Variants in RIMS2 observed in about 807,000 individuals in gnomAD.
RIMS2 encodes the protein regulating synaptic membrane exocytosis protein 2.
Under a neutral mutation model 174.4 loss-of-function variants are expected in RIMS2, and 59 were observed. That is an observed-to-expected ratio of 0.34 (90% confidence interval 0.27 to 0.42). The LOEUF (loss-of-function observed/expected upper bound fraction) is 0.42. RIMS2 is among the 10% of genes least tolerant of loss of function. The pLI is 1.00. For synonymous variants in RIMS2, 606 were observed against 572.5 expected, an observed-to-expected ratio of 1.06 and a Z score of -0.84; for missense variants, 1,620 against 1,666.3, an observed-to-expected ratio of 0.97 and a Z score of 0.48.
chr8:103,807,833 A>G (rs2098660125), intron 3 of RIMS2, among the ~76,000 whole-genome samples: 2 of 152,142 alleles, frequency 1.3e-5, no homozygotes, highest in Admixed American at 1.3e-4. Context: ...ACTTTTAAGT[A>G]GCTAGGATCT....
chr8:103,910,499 C>G, intron 5 of RIMS2: 2 of 1,596,128 alleles, frequency 1.3e-6, no homozygotes, highest in Non-Finnish European at 1.7e-6. Flanking sequence ...GTAGCACAAC[C>G]CTTAACGAGG....
chr8:103,966,507 C>T (rs1209482834), intron 15 of RIMS2, among the ~76,000 whole-genome samples: 2 of 151,948 alleles, frequency 1.3e-5, no homozygotes, highest in East Asian at 1.9e-4. Flanking sequence ...TTTTTATACC[C>T]TGTTTCTCTT....
At chr8:104,216,219 C>T (rs931358744) in intron 19 of RIMS2, among the ~76,000 whole-genome samples, 9 of 152,070 alleles carry the variant, frequency 5.9e-5, no homozygotes, top group African/African-American at 1.7e-4. Context: ...TACATAAATA[C>T]GCCATATAAG....
intron 2 of RIMS2, among the ~76,000 whole-genome samples, chr8:103,736,601 C>T (rs1488382548): frequency 1.3e-5 from 2 of 152,044 alleles, no homozygotes; most frequent in African/African-American, 2.4e-5. Flanking sequence ...AATTGGCTGG[C>T]GTGAATCTAA....
chr8:103,572,855 T>G (rs2092933383), intron 1 of RIMS2, among the ~76,000 whole-genome samples: 2 of 152,222 alleles, frequency 1.3e-5, no homozygotes, highest in African/African-American at 4.8e-5. Flanking sequence ...GTAGTTTGTC[T>G]GTTTACTCTG....
intron 19 of RIMS2, among the ~76,000 whole-genome samples, chr8:104,183,349 T>G (rs910210378): frequency 4.6e-5 from 7 of 151,758 alleles, no homozygotes; most frequent in African/African-American, 1.7e-4. Context: ...AATTATTTTA[T>G]TATCTTTTTT....
chr8:104,106,783 A>C (rs1380183892), intron 19 of RIMS2, among the ~76,000 whole-genome samples: 1 of 152,220 alleles, frequency 6.6e-6, no homozygotes, highest in Non-Finnish European at 1.5e-5. Flanking sequence ...TAAATGCAGT[A>C]TTCTGACCAG....
chr8:104,231,890 T>A (rs72685064), intron 19 of RIMS2, among the ~76,000 whole-genome samples: 7,798 of 152,328 alleles, frequency 0.051, 277 homozygotes, highest in Middle Eastern at 0.099. Flanking sequence ...CTAGCCACCT[T>A]TCAGGTGTTC....
chr8:103,511,775 G>A lies in RIMS2; in HGVS notation c.176+10713G>A, dbSNP rs2131110880. The stretch of plus-strand genomic sequence containing the variant: ...TCCAGTCTTGATAGAAACTATAATA[G>A]TAATTTGAACAGGGACATTTTGATA... On this transcript the variant is annotated intron_variant, in intron 1 of 23. Coordinates refer to ENST00000504942, the Ensembl canonical transcript of RIMS2. 1.3e-5 allele frequency among the ~76,000 whole-genome samples: 2 copies of A among 152,292 alleles called. 1 individual carries two copies. The highest frequency in any genetic ancestry group is 3.9e-4 in the East Asian group (2 of 5,184).
At chr8:103,852,481 T>C (rs1016743047) in intron 3 of RIMS2, among the ~76,000 whole-genome samples, 2 of 151,528 alleles carry the variant, frequency 1.3e-5, no homozygotes, top group Non-Finnish European at 2.9e-5. Flanking sequence ...AATTGCAGTA[T>C]ATCTCAGTGG....
chr8:104,149,343 C>A (rs2098670548), intron 19 of RIMS2, among the ~76,000 whole-genome samples: 1 of 152,224 alleles, frequency 6.6e-6, no homozygotes, highest in African/African-American at 2.4e-5. Flanking sequence ...AATTTTCTCA[C>A]TGCAATTTTT....
chr8:103,688,291 T>C (rs190671234), intron 1 of RIMS2, among the ~76,000 whole-genome samples: 8 of 152,226 alleles, frequency 5.3e-5, no homozygotes, highest in Non-Finnish European at 8.8e-5. Flanking sequence ...TTTAAGAGTT[T>C]ATTTATCATG....
intron 19 of RIMS2, among the ~76,000 whole-genome samples, chr8:104,073,422 T>C (rs546585620): frequency 6.6e-6 from 1 of 152,332 alleles, no homozygotes; most frequent in South Asian, 2.1e-4. Context: ...ATTGGCACAG[T>C]ATTTATTGGA....
chr8:103,786,626 G>A (rs1464739499), intron 3 of RIMS2, among the ~76,000 whole-genome samples: 7 of 152,194 alleles, frequency 4.6e-5, no homozygotes, highest in Non-Finnish European at 8.8e-5. Context: ...TTGCACTGTG[G>A]TCTGAGAGAT....
Position 103,592,378 on chromosome 8 carries a change from T to C in RIMS2, c.176+91316T>C, listed in dbSNP as rs73287110. Among the ~76,000 whole-genome samples the C allele has an allele frequency of 5.0e-3, 764 of 151,372 alleles. 7 individuals carry two copies. Among genetic ancestry groups the C allele is most frequent in the African/African-American group, 0.017 (724 of 41,504 alleles). On this transcript the variant is annotated intron_variant, in intron 1 of 23. Transcript: ENST00000504942. Reference sequence around the variant, plus strand: ...GTTTGATTTACTAAGTTCATTTTCATCTTGTAAGCTCTTGGTGTCTTGCAA... The same window carrying C: ...GTTTGATTTACTAAGTTCATTTTCACCTTGTAAGCTCTTGGTGTCTTGCAA...
At chr8:104,059,416 T>C (rs1325808659) in intron 19 of RIMS2, among the ~76,000 whole-genome samples, 1 of 151,510 alleles carries the variant, frequency 6.6e-6, no homozygotes, top group Non-Finnish European at 1.5e-5. Context: ...TGTACATTGA[T>C]TTTGTATCCT....
exon 3 of RIMS2, chr8:103,766,282 G>A: frequency 6.2e-7 from 1 of 1,613,542 alleles, no homozygotes; most frequent in Non-Finnish European, 8.5e-7. Flanking sequence ...ACTAAATCAG[G>A]AGCATGGTTT....
At chr8:103,787,318 T>C (rs2098453177) in intron 3 of RIMS2, among the ~76,000 whole-genome samples, 1 of 152,106 alleles carries the variant, frequency 6.6e-6, no homozygotes, top group African/African-American at 2.4e-5. Flanking sequence ...GTCGTTATGA[T>C]GTTAGCTGGT....
chr8:104,093,580 G>T, intron 19 of RIMS2: 7 of 1,597,476 alleles, frequency 4.4e-6, no homozygotes, highest in Non-Finnish European at 5.9e-6. Flanking sequence ...AGTGCTTCTC[G>T]TTTCAGCAGC....
Sources: gnomAD v4.1 joint callset for allele counts (sites outside exome capture counted in the v4.1 genomes callset) on GRCh38, gnomAD v4.1.1 for gene constraint, MANE v1.5 for transcripts, NCBI Gene and HGNC (gene_info 2026-07-23, HGNC 2026-07-21) for gene names.